AKAP13: variants seen among roughly 807,000 people sequenced by gnomAD.
AKAP13 encodes A-kinase anchoring protein 13, also known as A-kinase anchor protein 13.
In AKAP13, 80 loss-of-function variants were observed where a neutral mutation model predicts 264.5. The observed-to-expected ratio is 0.30, with a 90% CI of 0.25 to 0.36. AKAP13 has a LOEUF of 0.36. Ranked by LOEUF, AKAP13 falls within the 10% of genes least tolerant of loss-of-function variation. The probability of loss-of-function intolerance (pLI) is 1.00; values close to 1 mark genes in which losing one functional copy is unlikely to be tolerated. For synonymous variants in AKAP13, 1,380 were observed against 1,250.2 expected, an observed-to-expected ratio of 1.10 and a Z score of -2.19; for missense variants, 3,712 against 3,435.2, an observed-to-expected ratio of 1.08 and a Z score of -2.01.
intron 3 of AKAP13, among the ~76,000 whole-genome samples, chr15:85,527,876 G>A (rs2077127361): frequency 6.6e-6 from 1 of 152,158 alleles, no homozygotes; most frequent in African/African-American, 2.4e-5. Context: ...AGACTTTGAT[G>A]CGAAACTGAA....
chr15:85,436,780 A>G (rs1015124523), intron 1 of AKAP13, among the ~76,000 whole-genome samples: 3 of 152,160 alleles, frequency 2.0e-5, no homozygotes, highest in African/African-American at 7.2e-5. Flanking sequence ...GAGAACGAAG[A>G]CACAACATAC....
chr15:85,728,489 G>A (rs990926908), intron 29 of AKAP13, among the ~76,000 whole-genome samples: 1 of 152,204 alleles, frequency 6.6e-6, no homozygotes, highest in Non-Finnish European at 1.5e-5. Flanking sequence ...AGGTACAACA[G>A]ATGCAAAGAT....
chr15:85,446,177 A>C (rs946241479), intron 1 of AKAP13, among the ~76,000 whole-genome samples: 1 of 152,100 alleles, frequency 6.6e-6, no homozygotes, highest in African/African-American at 2.4e-5. Flanking sequence ...TTGACCAGAG[A>C]ATTGACACAT....
intron 1 of AKAP13, chr15:85,382,263 G>A (rs1381807361): frequency 1.3e-5 from 2 of 152,226 alleles, no homozygotes; most frequent in African/African-American, 4.8e-5. Flanking sequence ...GTGTGTGTCA[G>A]TTTGCTCAGA....
intron 8 of AKAP13, among the ~76,000 whole-genome samples, chr15:85,630,746 C>T (rs957048784): frequency 2.6e-5 from 4 of 152,006 alleles, no homozygotes; most frequent in Non-Finnish European, 5.9e-5. Context: ...AGGATGAGCA[C>T]CCATGTCACA....
chr15:85,435,247 GA>G (rs1349710268), intron 1 of AKAP13, among the ~76,000 whole-genome samples: 1 of 150,022 alleles, frequency 6.7e-6, no homozygotes, highest in African/African-American at 2.5e-5. Context: ...GAAATGAAGC[GA>G]GAAGGGAAGT....
intron 4 of AKAP13, chr15:85,534,215 A>G (rs534801766): frequency 2.8e-5 from 10 of 350,956 alleles, no homozygotes; most frequent in African/African-American, 2.1e-4. Flanking sequence ...TTTGGTGTTT[A>G]ATGATCAAAG....
At chr15:85,471,401 A>G (rs1369363491) in intron 1 of AKAP13, among the ~76,000 whole-genome samples, 1 of 152,180 alleles carries the variant, frequency 6.6e-6, no homozygotes, top group Admixed American at 6.5e-5. Context: ...AGGCTGAGGC[A>G]GGAGAATGGC....
intron 32 of AKAP13, 104 bp downstream of exon 32, chr15:85,735,734 C>A: frequency 8.9e-7 from 1 of 1,118,700 alleles, no homozygotes. Context: ...GCCTGAATTG[C>A]TGCTTTTAAT....
At chr15:85,629,136 G>A (rs1349258808) in intron 8 of AKAP13, among the ~76,000 whole-genome samples, 2 of 152,104 alleles carry the variant, frequency 1.3e-5, no homozygotes, top group African/African-American at 4.8e-5. Context: ...GTTTGAGGCT[G>A]CAGTGAGGTA....
chr15:85,437,947 G>A (rs1215425797), intron 1 of AKAP13, among the ~76,000 whole-genome samples: 1 of 147,178 alleles, frequency 6.8e-6, no homozygotes, highest in African/African-American at 2.5e-5. Flanking sequence ...ATTCAACATA[G>A]TGTTGGAAGT....
chr15:85,432,509 T>C (rs1031609546), intron 1 of AKAP13, among the ~76,000 whole-genome samples: 1 of 152,182 alleles, frequency 6.6e-6, no homozygotes, highest in Non-Finnish European at 1.5e-5. Context: ...AAGATTACTA[T>C]TGATGTCTTT....
chr15:85,721,940 A>T, intron 23 of AKAP13, 51 bp from the exon 24 acceptor site: 1 of 1,607,294 alleles, frequency 6.2e-7, no homozygotes, highest in Non-Finnish European at 8.5e-7. Context: ...ACAAAATGGT[A>T]TTATGAGTTT....
intron 5 of AKAP13, among the ~76,000 whole-genome samples, chr15:85,556,113 A>G (rs1265263078): frequency 6.6e-6 from 1 of 152,214 alleles, no homozygotes; most frequent in African/African-American, 2.4e-5. Context: ...CGTTTCACTT[A>G]CAGCTGTGAA....
intron 1 of AKAP13, among the ~76,000 whole-genome samples, chr15:85,431,321 C>T (rs1188445423): frequency 6.6e-6 from 1 of 152,192 alleles, no homozygotes; most frequent in East Asian, 1.9e-4. Context: ...GGGAGCTGAA[C>T]TCTTTACATT....
At position 85,443,133 on chromosome 15, in the gene AKAP13, C is replaced by A. The variant is rs372480947; in HGVS notation, c.-11-42577C>A. 1.7e-4 allele frequency among the ~76,000 whole-genome samples: 26 copies of A among 152,022 alleles called. No individual in the cohort carries two copies. The East Asian group carries it at 3.9e-3, about 23-fold the overall frequency. On this transcript the variant is annotated intron_variant, in intron 1 of 36. Transcript: ENST00000394518. ...GGTTTAAGAAAGATAGTTCTCCCCC[C>A]ACCCCCCAACACAGTTTTCTGGCTT...
Position 85,614,693 on chromosome 15 carries a change from G to T in AKAP13, c.4162-24681G>T, listed in dbSNP as rs371700750. On this transcript the variant is annotated intron_variant, in intron 8 of 36. Transcript: ENST00000394518. Reference sequence around the variant, plus strand: ...GGGGATTTATCAAGTGGCAAAATTAGATGTAGTGGAAAGACTGATTTACAC... The same window carrying T: ...GGGGATTTATCAAGTGGCAAAATTATATGTAGTGGAAAGACTGATTTACAC... 1.8e-4 allele frequency among the ~76,000 whole-genome samples: 28 copies of T among 152,292 alleles called. No individual in the cohort carries two copies. In the East Asian group the frequency reaches 4.8e-3, roughly 26 times the overall value.
chr15:85,575,689 CT>C (rs1380732756), intron 6 of AKAP13, among the ~76,000 whole-genome samples: 2 of 151,050 alleles, frequency 1.3e-5, no homozygotes, highest in African/African-American at 4.9e-5. Context: ...GAGACTCCGT[CT>C]CAAAAAAAAA....
At chr15:85,467,269 T>C (rs2151014767) in intron 1 of AKAP13, among the ~76,000 whole-genome samples, 1 of 151,934 alleles carries the variant, frequency 6.6e-6, no homozygotes, top group African/African-American at 2.4e-5. Context: ...TGCATATATG[T>C]ATATTCAGTA....
Sources: allele counts gnomAD v4.1 joint callset (sites outside exome capture counted in the v4.1 genomes callset), GRCh38; gene constraint gnomAD v4.1.1; transcripts MANE v1.5; gene names NCBI Gene and HGNC (gene_info 2026-07-23, HGNC 2026-07-21).